The following RBFOX1 variants were observed in gnomAD, a reference collection of about 807,000 sequenced individuals.
The protein encoded by RBFOX1 is RNA binding fox-1 homolog 1.
In RBFOX1, 8 loss-of-function variants were observed where a neutral mutation model predicts 57.7. The ratio of observed to expected loss-of-function variants is 0.14; its 90% confidence interval spans 0.08 to 0.25. The LOEUF (loss-of-function observed/expected upper bound fraction) is 0.25, where lower values mean the gene tolerates loss of function less well. Ranked by LOEUF, RBFOX1 falls within the 10% of genes least tolerant of loss-of-function variation. The pLI is 1.00. For missense variants in RBFOX1, 611 were observed against 548.5 expected (o/e 1.11, Z -1.14); for synonymous variants, 326 against 222.4 (o/e 1.47, Z -4.15).
chr16:7,020,499 G>A (rs753522516), intron 3 of RBFOX1, among the ~76,000 whole-genome samples: 5 of 152,104 alleles, frequency 3.3e-5, no homozygotes, highest in South Asian at 2.1e-4. Context: ...GATTTCAGGC[G>A]TCAGCCACCG....
chr16:7,691,426 C>A (rs777723738), intron 14 of RBFOX1, among the ~76,000 whole-genome samples: 68 of 130,210 alleles, frequency 5.2e-4, no homozygotes, highest in Non-Finnish European at 2.4e-4. Context: ...AGAGAAAGAA[C>A]GGAAAGAAAA....
intron 4 of RBFOX1, among the ~76,000 whole-genome samples, chr16:7,366,188 GC>G (rs2097442774): frequency 6.6e-6 from 1 of 152,182 alleles, no homozygotes; most frequent in African/African-American, 2.4e-5. Context: ...ATGATTTTAA[GC>G]CAGGCTGCCA....
Position 7,475,706 on chromosome 16 carries a change from A to G in RBFOX1, c.28-42441A>G, listed in dbSNP as rs139248719. 4.6e-5 allele frequency among the ~76,000 whole-genome samples: 7 copies of G among 152,286 alleles called. No individual in the cohort carries two copies. The East Asian group carries it at 1.4e-3, about 30-fold the overall frequency. On this transcript the variant is annotated intron_variant, in intron 4 of 15. Transcript: ENST00000550418. ...TCTGGGTTTGCTGCTTGCCACATGA[A>G]TGGCCTCGGACAAGTTATTGAACCT...
intron 3 of RBFOX1, among the ~76,000 whole-genome samples, chr16:5,673,416 C>G (rs1461494876): frequency 1.3e-5 from 2 of 151,646 alleles, no homozygotes; most frequent in Non-Finnish European, 2.9e-5. Context: ...ATCCTGAAGG[C>G]TCTGTCCAGA....
rs547386677 is a variant in RBFOX1, at chr16:6,639,127, A to T, written c.-63-15476A>T. Reference sequence around the variant, plus strand: ...ACTGGCAGCTCATTTCTGGATACTCAATAGGATGCATAAGAATGATAAATT... The same window carrying T: ...ACTGGCAGCTCATTTCTGGATACTCTATAGGATGCATAAGAATGATAAATT... On this transcript the variant is annotated intron_variant, in intron 2 of 15. Transcript: ENST00000550418. Among the ~76,000 whole-genome samples, 5 of 152,288 alleles carry T rather than the reference A, an allele frequency of 3.3e-5. No homozygotes were observed. The South Asian group carries it at 1.0e-3, about 32-fold the overall frequency.
At chr16:6,847,543 C>G (rs116056734) in intron 3 of RBFOX1, among the ~76,000 whole-genome samples, 1 of 152,070 alleles carries the variant, frequency 6.6e-6, no homozygotes, top group South Asian at 2.1e-4. Context: ...ATGGCACAGT[C>G]AAGGTGTAGG....
intron 3 of RBFOX1, among the ~76,000 whole-genome samples, chr16:5,776,212 A>G (rs529750852): frequency 2.0e-5 from 3 of 152,360 alleles, no homozygotes; most frequent in South Asian, 2.1e-4. Flanking sequence ...AAGTTTTATC[A>G]TAAATATTTC....
At chr16:7,435,357 C>A (rs529513977) in intron 4 of RBFOX1, among the ~76,000 whole-genome samples, 10 of 152,176 alleles carry the variant, frequency 6.6e-5, no homozygotes, top group African/African-American at 2.2e-4. Context: ...GACAGCGTGC[C>A]ATTTGTATCA....
chr16:6,114,409 C>G (rs988970056), intron 1 of RBFOX1, among the ~76,000 whole-genome samples: 2 of 152,180 alleles, frequency 1.3e-5, no homozygotes, highest in South Asian at 2.1e-4. Flanking sequence ...TGAGAAAATT[C>G]TAGCATGAGC....
At chr16:6,528,244 A>G (rs570309007) in intron 2 of RBFOX1, among the ~76,000 whole-genome samples, 98 of 152,314 alleles carry the variant, frequency 6.4e-4, no homozygotes, top group Admixed American at 1.7e-3. Context: ...AATCCCATGG[A>G]AATACCAGCA....
chr16:6,904,091 G>C (rs2069154764), intron 3 of RBFOX1, among the ~76,000 whole-genome samples: 1 of 152,152 alleles, frequency 6.6e-6, no homozygotes, highest in Admixed American at 6.5e-5. Flanking sequence ...CAAGTCGGAT[G>C]CTCTTATTCA....
chr16:6,208,702 T>G (rs996590499), intron 1 of RBFOX1, among the ~76,000 whole-genome samples: 2 of 151,940 alleles, frequency 1.3e-5, no homozygotes, highest in Non-Finnish European at 2.9e-5. Context: ...CTTTAAAGAG[T>G]CAGAACCTTC....
intron 4 of RBFOX1, among the ~76,000 whole-genome samples, chr16:7,235,711 C>G (rs1253254249): frequency 2.6e-5 from 4 of 152,160 alleles, no homozygotes; most frequent in East Asian, 1.9e-4. Flanking sequence ...GAAGTTGTCT[C>G]TTTTTTCCTG....
chr16:7,500,698 G>C (rs187749957), intron 4 of RBFOX1, among the ~76,000 whole-genome samples: 115 of 152,226 alleles, frequency 7.6e-4, no homozygotes, highest in South Asian at 1.9e-3. Context: ...TACCCATTCT[G>C]ACTTTCTTTC....
At chr16:7,036,159 C>G (rs12445436) in intron 3 of RBFOX1, among the ~76,000 whole-genome samples, 74,623 of 151,652 alleles carry the variant, frequency 0.49, 19,646 homozygotes, top group South Asian at 0.63. Flanking sequence ...TCCCTATTTC[C>G]TTGTCTGGAG....
Position 7,653,810 on chromosome 16 carries a change from C to G in RBFOX1, c.758-5C>G, listed in dbSNP as rs368263619. 8.7e-6 allele frequency: 14 copies of G among 1,608,076 alleles called. No individual in the cohort carries two copies. The highest frequency in any genetic ancestry group is 1.1e-5 in the Non-Finnish European group (13 of 1,179,594). On this transcript the variant is annotated splice_region_variant and splice_polypyrimidine_tract_variant and intron_variant, in intron 11 of 15. Coordinates refer to ENST00000550418, the MANE Select transcript of RBFOX1 (RefSeq NM_018723.4). The stretch of plus-strand genomic sequence containing the variant: ...TCTCTCTCTCTCTCTCCTCTTGCCC[C>G]GCAGTGCCAGGCTTCCCGTATCCAG...
At chr16:7,154,365 C>T (rs560735420) in intron 4 of RBFOX1, among the ~76,000 whole-genome samples, 3 of 152,294 alleles carry the variant, frequency 2.0e-5, no homozygotes, top group East Asian at 1.9e-4. Flanking sequence ...GAAAAACTAC[C>T]ACTGAAGAGT....
At chr16:7,030,084 C>A (rs749723020) in intron 3 of RBFOX1, among the ~76,000 whole-genome samples, 1 of 152,122 alleles carries the variant, frequency 6.6e-6, no homozygotes, top group African/African-American at 2.4e-5. Context: ...AACATTATTA[C>A]AAATTGGTGC....
intron 4 of RBFOX1, among the ~76,000 whole-genome samples, chr16:7,087,010 C>T (rs542233847): frequency 1.3e-4 from 20 of 152,256 alleles, no homozygotes; most frequent in African/African-American, 4.8e-4. Context: ...TGGGCAGGAC[C>T]GCAGCCTCTG....
Sources: allele counts gnomAD v4.1 joint callset (sites outside exome capture counted in the v4.1 genomes callset), GRCh38; gene constraint gnomAD v4.1.1; transcripts MANE v1.5; gene names NCBI Gene and HGNC (gene_info 2026-07-23, HGNC 2026-07-21).